Variants in SLC35A3 observed in about 807,000 individuals in gnomAD.
SLC35A3 encodes the protein UDP-N-acetylglucosamine transporter.
SLC35A3 carries 26 observed loss-of-function variants against 39.0 expected under a neutral mutation model. The observed-to-expected ratio is 0.67, with a 90% CI of 0.49 to 0.92. The LOEUF is 0.92. Ranked by LOEUF, SLC35A3 falls within the 40% of genes least tolerant of loss-of-function variation. The pLI, the probability that SLC35A3 is intolerant of heterozygous loss-of-function variation, is 0.00. For missense variants in SLC35A3, 299 were observed against 371.6 expected, an observed-to-expected ratio of 0.80 and a Z score of 1.61; for synonymous variants, 135 against 133.1, an observed-to-expected ratio of 1.01 and a Z score of -0.10.
chr1:100,013,621 A>G (rs768841121), intron 5 of SLC35A3, among the ~76,000 whole-genome samples: 1 of 151,666 alleles, frequency 6.6e-6, no homozygotes, highest in Non-Finnish European at 1.5e-5. Context: ...GTCTCAAAAT[A>G]TACATATACA....
intron 1 of SLC35A3, chr1:99,978,987 G>A (rs1657284183): frequency 1.3e-5 from 2 of 152,218 alleles, no homozygotes; most frequent in Admixed American, 6.5e-5. Context: ...TTATGGAGAA[G>A]ATTAGCATGG....
chr1:100,035,434 A>G lies in SLC35A3; in HGVS notation c.*12958A>G, dbSNP rs1437643536. On this transcript the variant is annotated 3_prime_UTR_variant, in exon 8 of 8. Transcript: ENST00000533028. ...TCTTGTTTATCATTGCAGCCTTTCT[A>G]GCACAAAGCCTGGGACATTCTGGAC... 1.3e-5 allele frequency: 2 copies of G among 152,230 alleles called. No homozygotes were observed. The highest frequency in any genetic ancestry group is 3.8e-4 in the East Asian group (2 of 5,206). 9.4% of individuals were successfully genotyped at this position (152,230 alleles called of 1,614,324 possible).
At chr1:100,015,716 CT>C in intron 6 of SLC35A3, 1 of 312,110 alleles carries the variant, frequency 3.2e-6, no homozygotes, top group Non-Finnish European at 5.7e-6. Flanking sequence ...TTTTACAAGT[CT>C]TATCATTGTA....
intron 1 of SLC35A3, among the ~76,000 whole-genome samples, chr1:99,988,954 T>C (rs945892494): frequency 3.3e-5 from 5 of 151,902 alleles, no homozygotes; most frequent in African/African-American, 4.8e-5. Context: ...AGAGACGGGA[T>C]CTCAATATGT....
At chr1:99,976,834 G>A (rs1054555992) in intron 1 of SLC35A3, among the ~76,000 whole-genome samples, 2 of 152,148 alleles carry the variant, frequency 1.3e-5, no homozygotes, top group African/African-American at 4.8e-5. Context: ...AGGAGGGTAA[G>A]GATTGAAAAA....
chr1:100,003,881 T>C (rs954674686), intron 3 of SLC35A3, among the ~76,000 whole-genome samples: 2 of 152,188 alleles, frequency 1.3e-5, no homozygotes, highest in African/African-American at 4.8e-5. Context: ...TAATTACCTC[T>C]TTGTCTGTTT....
chr1:99,979,428 TTC>T (rs1434869903), intron 1 of SLC35A3, among the ~76,000 whole-genome samples: 1 of 147,434 alleles, frequency 6.8e-6, no homozygotes, highest in African/African-American at 2.6e-5. Context: ...CTCCTTTTCT[TTC>T]TTTTTTTTTT....
intron 7 of SLC35A3, among the ~76,000 whole-genome samples, chr1:100,018,455 C>T (rs981896080): frequency 4.6e-5 from 7 of 152,146 alleles, no homozygotes; most frequent in African/African-American, 1.4e-4. Flanking sequence ...TCCAACTTTA[C>T]TCCTCTCCTG....
intron 4 of SLC35A3, 74 bp downstream of exon 4, chr1:100,007,230 A>G: frequency 7.6e-7 from 1 of 1,315,538 alleles, no homozygotes; most frequent in South Asian, 1.3e-5. Flanking sequence ...GTGTGGAGAA[A>G]TATGGTTCTA....
chr1:100,003,103 CAATTTATATTTGTTTTAAGA>C (rs771876857), intron 3 of SLC35A3, among the ~76,000 whole-genome samples: 21 of 151,800 alleles, frequency 1.4e-4, no homozygotes, highest in Non-Finnish European at 2.9e-4. Flanking sequence ...TGTTGTGTTT[CAATTTATATTTGTTTTAAGA>C]AATTTTTCTA....
chr1:99,984,502 G>A (rs143339228), intron 1 of SLC35A3, among the ~76,000 whole-genome samples: 248 of 152,248 alleles, frequency 1.6e-3, no homozygotes, highest in Admixed American at 3.3e-3. Context: ...ATTTGGACTG[G>A]TTCCATATTT....
At position 100,025,278 on chromosome 1, in the gene SLC35A3, G is replaced by T. The variant is rs1163754337; in HGVS notation, c.*2802G>T. 6.6e-6 allele frequency: 1 copy of T among 152,164 alleles called. No homozygotes were observed. The highest frequency in any genetic ancestry group is 2.4e-5 in the African/African-American group (1 of 41,440). The allele number at this position is 152,164 out of a possible 1,614,324, so 9.4% of individuals were successfully genotyped here. A position where few individuals can be genotyped will look rare whatever the true frequency, so the allele number is the denominator to read the frequency against. ...TATGTTTAGCTCACATTGAAGTATTGGTTGGTTACTTATGTATTAATGCAG... is the reference window on the plus strand; with the variant it reads ...TATGTTTAGCTCACATTGAAGTATTTGTTGGTTACTTATGTATTAATGCAG... On this transcript the variant is annotated 3_prime_UTR_variant, in exon 8 of 8. Transcript: ENST00000533028.
chr1:100,018,591 G>A (rs917791096), intron 7 of SLC35A3, among the ~76,000 whole-genome samples: 3 of 152,024 alleles, frequency 2.0e-5, no homozygotes, highest in Non-Finnish European at 4.4e-5. Flanking sequence ...GTGCAGTGGC[G>A]TGATCGTAGC....
In SLC35A3 at chr1:100,022,261, T is replaced by A. The variant is rs562566399; in HGVS notation, c.888-125T>A. On this transcript the variant is annotated intron_variant, in intron 7 of 7. Coordinates refer to ENST00000533028, the MANE Select transcript of SLC35A3 (RefSeq NM_012243.3). ...TGGAATGTAGTAAGTACTCAAGATT[T>A]GTTAGCCGTGTTACTGGAACATTTT... The A allele has an allele frequency of 5.3e-6, 3 of 564,304 alleles. No individual in the cohort carries two copies. The East Asian group carries it at 9.1e-5, about 17-fold the overall frequency. 35.0% of individuals were successfully genotyped at this position (564,304 alleles called of 1,614,324 possible). A position where few individuals can be genotyped will look rare whatever the true frequency, so the allele number is the denominator to read the frequency against.
At chr1:100,017,595 A>G (rs1174674676) in intron 6 of SLC35A3, 87 bp from the exon 7 acceptor site, 6 of 818,492 alleles carry the variant, frequency 7.3e-6, no homozygotes, top group Non-Finnish European at 1.1e-5. Flanking sequence ...TTATGGGACA[A>G]AAGCTTAAAG....
At chr1:100,019,953 A>C (rs531091576) in intron 7 of SLC35A3, among the ~76,000 whole-genome samples, 1 of 152,284 alleles carries the variant, frequency 6.6e-6, no homozygotes, top group African/African-American at 2.4e-5. Flanking sequence ...TTTTATCAAA[A>C]GTTTGTGTCT....
chr1:100,024,130 G>A lies in SLC35A3; in HGVS notation c.*1654G>A, dbSNP rs1023108445. On this transcript the variant is annotated 3_prime_UTR_variant, in exon 8 of 8. Transcript: ENST00000533028. ...GCAGATTACATGAGTTATTTAATAA[G>A]TTGATTCAAGAGAGAGAGAGTATAT... 5.3e-5 allele frequency: 8 copies of A among 152,104 alleles called. No individual in the cohort carries two copies. Among genetic ancestry groups the A allele is most frequent in the African/African-American group, 1.7e-4 (7 of 41,410 alleles). The allele number at this position is 152,104 out of a possible 1,614,324, so 9.4% of individuals were successfully genotyped here.
intron 1 of SLC35A3, chr1:99,970,513 C>G (rs1239110126): frequency 4.0e-6 from 6 of 1,518,950 alleles, no homozygotes; most frequent in Non-Finnish European, 4.4e-6. Flanking sequence ...GGCTGGGGCC[C>G]GTCATTCCTT....
intron 1 of SLC35A3, among the ~76,000 whole-genome samples, chr1:99,983,399 C>T (rs563731488): frequency 3.2e-4 from 48 of 151,470 alleles, no homozygotes; most frequent in African/African-American, 1.0e-3. Flanking sequence ...ATTAGCCGGG[C>T]GTGGTGGCGG....
Sources: allele counts gnomAD v4.1 joint callset (sites outside exome capture counted in the v4.1 genomes callset), GRCh38; gene constraint gnomAD v4.1.1; transcripts MANE v1.5; gene names NCBI Gene and HGNC (gene_info 2026-07-23, HGNC 2026-07-21).